The following PALM2AKAP2 variants were observed in gnomAD, a reference collection of about 807,000 sequenced individuals.
PALM2AKAP2 encodes PALM2-AKAP2 fusion protein.
In PALM2AKAP2, 37 loss-of-function variants were observed where a neutral mutation model predicts 71.5. The ratio of observed to expected loss-of-function variants is 0.52; its 90% confidence interval spans 0.40 to 0.68. The LOEUF (loss-of-function observed/expected upper bound fraction) is 0.68. PALM2AKAP2 is among the 30% of genes least tolerant of loss of function. The pLI, the probability that PALM2AKAP2 is intolerant of heterozygous loss-of-function variation, is 0.00. For synonymous variants in PALM2AKAP2, 468 were observed against 478.8 expected, an observed-to-expected ratio of 0.98 and a Z score of 0.29; for missense variants, 1,224 against 1,191.8, an observed-to-expected ratio of 1.03 and a Z score of -0.40.
intron 1 of PALM2AKAP2, among the ~76,000 whole-genome samples, chr9:109,736,308 C>T (rs1214554928): frequency 2.0e-5 from 3 of 152,066 alleles, no homozygotes; most frequent in African/African-American, 7.2e-5. Context: ...CGACAATGAA[C>T]ATGAGAGAAA....
chr9:110,010,613 T>C (rs1046229981), intron 6 of PALM2AKAP2, among the ~76,000 whole-genome samples: 2 of 148,054 alleles, frequency 1.4e-5, no homozygotes, highest in Admixed American at 6.8e-5. Context: ...CCATATATTC[T>C]ATTCTATTTA....
At chr9:109,879,081 C>T (rs1468368788) in intron 2 of PALM2AKAP2, among the ~76,000 whole-genome samples, 1 of 152,124 alleles carries the variant, frequency 6.6e-6, no homozygotes, top group Non-Finnish European at 1.5e-5. Flanking sequence ...TAATAAAATG[C>T]CCTTAATGCC....
chr9:110,062,646 T>A (rs1833988370), intron 1 of PALM2AKAP2, among the ~76,000 whole-genome samples: 1 of 152,212 alleles, frequency 6.6e-6, no homozygotes, highest in Admixed American at 6.5e-5. Context: ...CCAACACCTA[T>A]CTACAATGGT....
At chr9:110,171,776 A>C (rs958015749) in exon 4 of PALM2AKAP2, 2 of 152,600 alleles carry the variant, frequency 1.3e-5, no homozygotes, top group Non-Finnish European at 2.9e-5. Context: ...CAAAATGTTT[A>C]GATTCTGTAG....
chr9:109,761,399 G>A (rs1829050423), intron 1 of PALM2AKAP2, among the ~76,000 whole-genome samples: 1 of 152,090 alleles, frequency 6.6e-6, no homozygotes, highest in African/African-American at 2.4e-5. Context: ...GGATACATGT[G>A]CAGAATGTGC....
At position 109,790,418 on chromosome 9, in the gene PALM2AKAP2, CT is replaced by C. The variant is rs1827084273; in HGVS notation, c.45+9887del. 3.3e-5 allele frequency among the ~76,000 whole-genome samples: 5 copies of C among 152,136 alleles called. No homozygotes were observed. The South Asian group carries it at 1.0e-3, about 32-fold the overall frequency. The stretch of plus-strand genomic sequence containing the variant: ...TAAATTCAGGGCTGAAACTTAAAAC[CT>C]TGAGGGTTACCAAAAAATGTTATTC... On this transcript the variant is annotated intron_variant, in intron 1 of 9. Transcript: ENST00000302798.
chr9:109,682,606 C>T (rs922041734), intron 1 of PALM2AKAP2, among the ~76,000 whole-genome samples: 10 of 152,176 alleles, frequency 6.6e-5, no homozygotes, highest in Non-Finnish European at 1.5e-4. Flanking sequence ...CAGGCCCACA[C>T]ATTTGTTCCA....
chr9:109,765,890 C>T (rs1160012521), intron 1 of PALM2AKAP2, among the ~76,000 whole-genome samples: 2 of 152,114 alleles, frequency 1.3e-5, no homozygotes, highest in Non-Finnish European at 2.9e-5. Context: ...ATGCAATGCA[C>T]AACATGGTCG....
At chr9:109,899,926 A>AT (rs1193280999) in intron 3 of PALM2AKAP2, among the ~76,000 whole-genome samples, 6 of 152,138 alleles carry the variant, frequency 3.9e-5, no homozygotes, top group Admixed American at 2.6e-4. Context: ...TTGGAAGCTG[A>AT]TTTTTTTCTC....
chr9:109,908,935 C>T (rs1830509581), intron 3 of PALM2AKAP2, among the ~76,000 whole-genome samples: 2 of 151,748 alleles, frequency 1.3e-5, no homozygotes, highest in Admixed American at 1.3e-4. Flanking sequence ...GAGGAATGCA[C>T]CACATAAACA....
At chr9:109,718,439 A>G (rs1828360636) in intron 1 of PALM2AKAP2, among the ~76,000 whole-genome samples, 1 of 152,198 alleles carries the variant, frequency 6.6e-6, no homozygotes, top group African/African-American at 2.4e-5. Flanking sequence ...ATCAACTTCT[A>G]TAAGGCATTC....
chr9:109,846,938 T>G (rs561924826), intron 1 of PALM2AKAP2, among the ~76,000 whole-genome samples: 131 of 152,328 alleles, frequency 8.6e-4, no homozygotes, highest in Non-Finnish European at 1.5e-3. Flanking sequence ...TTGAACAATT[T>G]CCATTTTCCA....
chr9:109,704,185 T>C (rs1828107026), intron 1 of PALM2AKAP2, among the ~76,000 whole-genome samples: 1 of 152,208 alleles, frequency 6.6e-6, no homozygotes, highest in Non-Finnish European at 1.5e-5. Context: ...GATGCCCTTC[T>C]TCAGGCCGGA....
At chr9:109,659,242 A>G (rs958620110) in intron 1 of PALM2AKAP2, among the ~76,000 whole-genome samples, 3 of 152,234 alleles carry the variant, frequency 2.0e-5, no homozygotes, top group Admixed American at 6.5e-5. Context: ...TAAATACCAC[A>G]CAATGAATCC....
chr9:109,661,637 G>A lies in PALM2AKAP2; in HGVS notation c.5+20771G>A, dbSNP rs140030959. 4.3e-3 allele frequency among the ~76,000 whole-genome samples: 649 copies of A among 152,258 alleles called. 11 individuals carry two copies. Among genetic ancestry groups the A allele is most frequent in the African/African-American group, 0.014 (581 of 41,542 alleles). ...TGTGCTTTTTGCTTAGGATTGTCTT[G>A]GCAATGTGGGCTCTTTTTTGGTTCC... On this transcript the variant is annotated intron_variant, in intron 1 of 6. Transcript: ENST00000374531.
chr9:110,018,091 C>T (rs960513583), intron 7 of PALM2AKAP2, among the ~76,000 whole-genome samples: 1 of 152,168 alleles, frequency 6.6e-6, no homozygotes, highest in African/African-American at 2.4e-5. Flanking sequence ...TGCTACTTAA[C>T]CAGGCTACTC....
Position 110,156,500 on chromosome 9 carries a change from A to G in PALM2AKAP2, c.2748+3A>G, listed in dbSNP as rs1162730721. The G allele has an allele frequency of 1.9e-6, 3 of 1,594,756 alleles. No homozygotes were observed. In the African/African-American group the frequency reaches 4.0e-5, roughly 21 times the overall value. On this transcript the variant is annotated splice_donor_region_variant and intron_variant, in intron 3 of 3. Coordinates refer to ENST00000374525, the Ensembl canonical transcript of PALM2AKAP2. ...GCGAGAGAATGGATGATAGTAGTGTAAGTTTTTCCTCCTTTCCTCTTTCAC... is the reference window on the plus strand; with the variant it reads ...GCGAGAGAATGGATGATAGTAGTGTGAGTTTTTCCTCCTTTCCTCTTTCAC...
chr9:109,965,932 G>A (rs1405192338), intron 6 of PALM2AKAP2, among the ~76,000 whole-genome samples: 5 of 152,180 alleles, frequency 3.3e-5, no homozygotes, highest in Admixed American at 3.3e-4. Flanking sequence ...GAGTTTGTAG[G>A]ACCAGGCAAG....
At chr9:110,153,263 T>C (rs1179281891) in intron 2 of PALM2AKAP2, among the ~76,000 whole-genome samples, 2 of 152,232 alleles carry the variant, frequency 1.3e-5, no homozygotes, top group Non-Finnish European at 2.9e-5. Context: ...TCAGCCATCA[T>C]CAACACTGGG....
Sources: allele counts gnomAD v4.1 joint callset (sites outside exome capture counted in the v4.1 genomes callset), GRCh38; gene constraint gnomAD v4.1.1; transcripts MANE v1.5; gene names NCBI Gene and HGNC (gene_info 2026-07-23, HGNC 2026-07-21).